Variants in STRADB observed in about 807,000 individuals in gnomAD.
The protein encoded by STRADB is STE20-related kinase adapter protein beta.
A neutral mutation model predicts 52.1 loss-of-function variants in STRADB; 34 were observed. The ratio of observed to expected loss-of-function variants is 0.65; its 90% CI spans 0.50 to 0.87. The LOEUF is 0.87. STRADB is among the 40% of genes least tolerant of loss of function. STRADB has a pLI of 0.00. For missense variants in STRADB, 340 were observed against 483.9 expected (o/e 0.70, Z 2.79); for synonymous variants, 133 against 174.5 (o/e 0.76, Z 1.87).
rs182345926 is a variant in STRADB, at chr2:201,455,850, T to C, written c.12+998T>C. Among the ~76,000 whole-genome samples, 37 of 152,324 alleles carry C rather than the reference T, an allele frequency of 2.4e-4. No homozygotes were observed. In the East Asian group the frequency reaches 4.2e-3, roughly 17 times the overall value. On this transcript the variant is annotated intron_variant, in intron 2 of 11. Transcript: ENST00000194530. ...TCAGTTTGTCCAAGATTGCAAAAAG[T>C]TGGAGCCAGACTCATACCTGCCAAT...
intron 3 of STRADB, among the ~76,000 whole-genome samples, chr2:201,464,966 A>C (rs1952276147): frequency 6.6e-6 from 1 of 152,102 alleles, no homozygotes; most frequent in African/African-American, 2.4e-5. Context: ...GAATATTGCC[A>C]GGCCTGGGTT....
chr2:201,462,623 A>G (rs1029043418), intron 3 of STRADB, among the ~76,000 whole-genome samples: 1 of 152,178 alleles, frequency 6.6e-6, no homozygotes, highest in Non-Finnish European at 1.5e-5. Flanking sequence ...TAAAGTGACA[A>G]CTTGACACTG....
intron 3 of STRADB, among the ~76,000 whole-genome samples, chr2:201,461,874 G>A (rs978755506): frequency 6.6e-6 from 1 of 152,044 alleles, no homozygotes; most frequent in African/African-American, 2.4e-5. Context: ...CAAGAGATAG[G>A]GGTCTACTTT....
At chr2:201,459,726 G>A (rs1952184145) in intron 3 of STRADB, among the ~76,000 whole-genome samples, 2 of 152,152 alleles carry the variant, frequency 1.3e-5, no homozygotes, top group Non-Finnish European at 1.5e-5. Context: ...AGGCCTGCTT[G>A]TATCGCTTTC....
At chr2:201,456,328 G>A (rs919942287) in intron 2 of STRADB, among the ~76,000 whole-genome samples, 7 of 152,346 alleles carry the variant, frequency 4.6e-5, no homozygotes, top group East Asian at 1.9e-4. Flanking sequence ...TGGAAAAGAT[G>A]TGAAAGGGCA....
rs549746122 is a variant in STRADB at position 201,480,140 on chromosome 2, T to A, written c.1222T>A (p.Phe408Ile). The change falls in exon 12 of 12, where the codon TTT becomes ATT. Residue 408 changes from phenylalanine (F) to isoleucine (I), a missense_variant. Phe to Ile is a conservative substitution (Grantham distance 21, BLOSUM62 0). Coordinates refer to ENST00000194530, the MANE Select transcript of STRADB (RefSeq NM_018571.6). Reference sequence around the variant, plus strand: ...ACCTTGGACTGAGCCAGAATGTGATTTTCCTGATGAAAAAGACTCATACTG... The same window carrying A: ...ACCTTGGACTGAGCCAGAATGTGATATTCCTGATGAAAAAGACTCATACTG... ...VLPWTEPECD[F>I]PDEKDSYWEF The A allele has an allele frequency of 6.2e-7, 1 of 1,613,822 alleles. No individual in the cohort carries two copies. The highest frequency in any genetic ancestry group is 1.3e-5 in the African/African-American group (1 of 75,026).
chr2:201,477,595 T>C, intron 7 of STRADB, 24 bp from the exon 8 acceptor site: 1 of 1,581,054 alleles, frequency 6.3e-7, no homozygotes, highest in Non-Finnish European at 8.6e-7. Flanking sequence ...TCCTGTTACT[T>C]AGCATTGTTT....
At chr2:201,456,792 A>C (rs991220397) in intron 2 of STRADB, among the ~76,000 whole-genome samples, 4 of 152,192 alleles carry the variant, frequency 2.6e-5, no homozygotes, top group Non-Finnish European at 5.9e-5. Flanking sequence ...AATTATATTC[A>C]AAAATATTCA....
At chr2:201,467,291 G>A (rs1397913356) in intron 3 of STRADB, among the ~76,000 whole-genome samples, 2 of 152,170 alleles carry the variant, frequency 1.3e-5, no homozygotes, top group African/African-American at 2.4e-5. Flanking sequence ...ACTTCCTTTC[G>A]CTGCAAGCAG....
At chr2:201,472,869 G>A (rs938031389) in intron 4 of STRADB, 86 bp from the exon 5 acceptor site, 2 of 1,392,156 alleles carry the variant, frequency 1.4e-6, no homozygotes, top group Admixed American at 2.3e-5. Flanking sequence ...TTTTTGAAGA[G>A]TAAGACTTTT....
intron 3 of STRADB, among the ~76,000 whole-genome samples, chr2:201,462,963 G>T (rs572009514): frequency 1.3e-5 from 2 of 152,286 alleles, no homozygotes; most frequent in South Asian, 4.1e-4. Flanking sequence ...GAGAGGTCTG[G>T]CATTGATGAA....
chr2:201,452,430 G>A (rs1440928845), intron 1 of STRADB, among the ~76,000 whole-genome samples: 1 of 152,234 alleles, frequency 6.6e-6, no homozygotes, highest in Admixed American at 6.5e-5. Context: ...TTTGTCTTCG[G>A]TTTTTCAATT....
At chr2:201,465,044 G>A (rs1307795974) in intron 3 of STRADB, among the ~76,000 whole-genome samples, 1 of 152,190 alleles carries the variant, frequency 6.6e-6, no homozygotes, top group Admixed American at 6.5e-5. Flanking sequence ...CAGGAGCCAA[G>A]GCCTGGAATC....
chr2:201,462,041 T>G (rs1952224215), intron 3 of STRADB, among the ~76,000 whole-genome samples: 1 of 152,192 alleles, frequency 6.6e-6, no homozygotes, highest in Admixed American at 6.5e-5. Flanking sequence ...GGTCTGTGTG[T>G]CTGTTTGTAT....
intron 4 of STRADB, among the ~76,000 whole-genome samples, chr2:201,472,319 G>T (rs1952402759): frequency 6.6e-6 from 1 of 152,176 alleles, no homozygotes; most frequent in Non-Finnish European, 1.5e-5. Context: ...GTTTTTGGCA[G>T]CTTTATAGTC....
chr2:201,478,057 A>G (rs938756807), intron 8 of STRADB, 30 bp from the exon 9 acceptor site: 4 of 1,567,032 alleles, frequency 2.6e-6, no homozygotes, highest in Non-Finnish European at 2.6e-6. Flanking sequence ...TATTTGCACT[A>G]AAAGACTTCA....
In STRADB at chr2:201,480,417, AT is replaced by A; in HGVS notation, c.*249del. ...TCTAGCTAGTGTCATTTATTCTGGA[AT>A]TTTTTTCTAAGCTGTGACTAACTCT... On this transcript the variant is annotated 3_prime_UTR_variant, in exon 12 of 12. Transcript: ENST00000194530. 8.1e-7 allele frequency: 1 copy of A among 1,232,636 alleles called. No homozygotes were observed. Among genetic ancestry groups the A allele is most frequent in the South Asian group, 2.9e-5 (1 of 34,012 alleles). The allele number at this position is 1,232,636 out of a possible 1,614,324, so 76.4% of individuals were successfully genotyped here.
At position 201,468,166 on chromosome 2, in the gene STRADB, C is replaced by G. The variant is rs550598652; in HGVS notation, c.94-1787C>G. ...ATACTTTTTCTTTTTTCAAGCCAGC[C>G]TTTTTCAGTTTCAGGAAGTCATTAA... On this transcript the variant is annotated intron_variant, in intron 3 of 11. Coordinates refer to ENST00000194530, the MANE Select transcript of STRADB (RefSeq NM_018571.6). 3.3e-4 allele frequency among the ~76,000 whole-genome samples: 49 copies of G among 146,762 alleles called. 2 individuals carry two copies. In the South Asian group the frequency reaches 9.7e-3, roughly 29 times the overall value.
chr2:201,470,107 CAA>C (rs1952366633), intron 4 of STRADB, 55 bp downstream of exon 4: 1 of 1,348,860 alleles, frequency 7.4e-7, no homozygotes, highest in African/African-American at 1.4e-5. Context: ...AAATTGATGA[CAA>C]AAAGATTATT....
Sources: gnomAD v4.1 joint callset for allele counts (sites outside exome capture counted in the v4.1 genomes callset) on GRCh38, gnomAD v4.1.1 for gene constraint, MANE v1.5 for transcripts, NCBI Gene and HGNC (gene_info 2026-07-23, HGNC 2026-07-21) for gene names.